The following GALNT17 variants were observed in gnomAD, a reference collection of about 807,000 sequenced individuals.
The protein encoded by GALNT17 is polypeptide N-acetylgalactosaminyltransferase 17, also known as UDP-GalNAc:polypeptide N-acetylgalactosaminyltransferase-like 3.
In GALNT17, 29 loss-of-function variants were observed where a neutral mutation model predicts 63.7. That is an observed-to-expected ratio of 0.46 (90% CI 0.34 to 0.62). The LOEUF (loss-of-function observed/expected upper bound fraction) is 0.62, where lower values mean the gene tolerates loss of function less well. Among genes scored for constraint, GALNT17 ranks in the 20% least tolerant of loss-of-function variants. The probability of loss-of-function intolerance (pLI) is 0.01; values close to 1 mark genes in which losing one functional copy is unlikely to be tolerated. For synonymous variants in GALNT17, 305 were observed against 318.3 expected (o/e 0.96, Z 0.45); for missense variants, 603 against 799.6 (o/e 0.75, Z 2.97).
chr7:71,444,237 T>C (rs1025222166), intron 5 of GALNT17, among the ~76,000 whole-genome samples: 1 of 152,206 alleles, frequency 6.6e-6, no homozygotes, highest in Non-Finnish European at 1.5e-5. Flanking sequence ...CACCTGAGCC[T>C]TGGCCACATT....
At chr7:71,600,920 T>A (rs10235822) in intron 6 of GALNT17, among the ~76,000 whole-genome samples, 5 of 151,752 alleles carry the variant, frequency 3.3e-5, no homozygotes, top group African/African-American at 9.7e-5. Flanking sequence ...CCACTCCCAC[T>A]CTTCCCCCCA....
intron 5 of GALNT17, among the ~76,000 whole-genome samples, chr7:71,433,350 C>G (rs1786902719): frequency 1.3e-5 from 2 of 152,160 alleles, no homozygotes. Flanking sequence ...GGGGTCACCC[C>G]CATCTGTGGA....
chr7:71,639,935 T>C (rs1018792297), intron 6 of GALNT17, among the ~76,000 whole-genome samples: 22 of 152,184 alleles, frequency 1.4e-4, no homozygotes, highest in Admixed American at 1.4e-3. Flanking sequence ...CCATTTGCTC[T>C]GAATAAGGAT....
intron 1 of GALNT17, among the ~76,000 whole-genome samples, chr7:71,233,487 A>G (rs533140278): frequency 1.6e-4 from 25 of 152,336 alleles, no homozygotes; most frequent in Admixed American, 7.2e-4. Flanking sequence ...AATTGCAAAG[A>G]GAGATAGAAC....
intron 5 of GALNT17, among the ~76,000 whole-genome samples, chr7:71,509,648 G>C (rs1453522749): frequency 6.6e-6 from 1 of 152,068 alleles, no homozygotes; most frequent in African/African-American, 2.4e-5. Context: ...TATCTTTTTT[G>C]GGATGCTCCC....
At chr7:71,144,368 A>G (rs1280566494) in intron 1 of GALNT17, among the ~76,000 whole-genome samples, 3 of 152,166 alleles carry the variant, frequency 2.0e-5, no homozygotes, top group Non-Finnish European at 4.4e-5. Flanking sequence ...ATGCAAGCTC[A>G]GGTCTTAGCT....
In GALNT17 at chr7:71,707,958, A is replaced by T. The variant is rs1047215296; in HGVS notation, c.1501-2803A>T. On this transcript the variant is annotated intron_variant, in intron 9 of 10. Transcript: ENST00000333538. ...TTCAAAGCCATCTTGCCATGGGTGT[A>T]TAGAAGGAATAGCGGAGGATGTGGT... Among the ~76,000 whole-genome samples, 23 of 152,212 alleles carry T rather than the reference A, an allele frequency of 1.5e-4. No homozygotes were observed. The South Asian group carries it at 1.7e-3, about 11-fold the overall frequency.
chr7:71,233,477 A>G (rs1789830836), intron 1 of GALNT17, among the ~76,000 whole-genome samples: 2 of 152,220 alleles, frequency 1.3e-5, no homozygotes, highest in African/African-American at 4.8e-5. Context: ...CAATGAATTA[A>G]ATTGCAAAGA....
intron 1 of GALNT17, among the ~76,000 whole-genome samples, chr7:71,299,770 T>C (rs1376744735): frequency 6.7e-6 from 1 of 149,870 alleles, no homozygotes; most frequent in Non-Finnish European, 1.5e-5. Context: ...ATTATTACAA[T>C]TTTTTTTTTA....
chr7:71,182,718 C>T (rs1788756191), intron 1 of GALNT17, among the ~76,000 whole-genome samples: 1 of 151,972 alleles, frequency 6.6e-6, no homozygotes, highest in African/African-American at 2.4e-5. Flanking sequence ...ATCTTGTGTC[C>T]TGGGGAGGGC....
chr7:71,579,141 G>T (rs1221427296), intron 6 of GALNT17, among the ~76,000 whole-genome samples: 1 of 152,168 alleles, frequency 6.6e-6, no homozygotes, highest in Non-Finnish European at 1.5e-5. Context: ...GTCATCCTTG[G>T]CTATGTGAAT....
chr7:71,261,698 G>T (rs1299657043), intron 1 of GALNT17, among the ~76,000 whole-genome samples: 2 of 152,230 alleles, frequency 1.3e-5, no homozygotes, highest in African/African-American at 4.8e-5. Flanking sequence ...GCCCTTGGCT[G>T]TGACAGTGGT....
chr7:71,534,716 C>T (rs1393280211), intron 5 of GALNT17, among the ~76,000 whole-genome samples: 1 of 152,096 alleles, frequency 6.6e-6, no homozygotes, highest in Admixed American at 6.5e-5. Context: ...TCCCACGACA[C>T]GTGGGGATAT....
intron 1 of GALNT17, among the ~76,000 whole-genome samples, chr7:71,309,871 T>C (rs764321379): frequency 5.3e-5 from 8 of 152,180 alleles, no homozygotes; most frequent in African/African-American, 1.2e-4. Flanking sequence ...ATTGATATGA[T>C]TTGGCTATGT....
At chr7:71,684,883 T>C (rs900304649) in intron 9 of GALNT17, among the ~76,000 whole-genome samples, 3 of 152,154 alleles carry the variant, frequency 2.0e-5, no homozygotes, top group African/African-American at 7.2e-5. Flanking sequence ...CAAGTTGGTC[T>C]GGAACTCCCA....
At chr7:71,264,160 G>C (rs559566279) in intron 1 of GALNT17, among the ~76,000 whole-genome samples, 1 of 152,286 alleles carries the variant, frequency 6.6e-6, no homozygotes, top group Non-Finnish European at 1.5e-5. Flanking sequence ...GGATTAGCCT[G>C]CTGGGGGCAG....
In GALNT17 at chr7:71,439,931, C is replaced by G. The variant is rs902875034; in HGVS notation, c.962+18826C>G. ...TCTAGATGGTTCCAGAGTGTTTCAT[C>G]TTCCAGGCCCTCTTTTTTTTTTTTT... On this transcript the variant is annotated intron_variant, in intron 5 of 10. Coordinates refer to ENST00000333538, the MANE Select transcript of GALNT17 (RefSeq NM_022479.3). Among the ~76,000 whole-genome samples, 5 of 147,238 alleles carry G rather than the reference C, an allele frequency of 3.4e-5. No individual in the cohort carries two copies. In the East Asian group the frequency reaches 6.1e-4, roughly 18 times the overall value.
intron 1 of GALNT17, chr7:71,301,002 T>C (rs1791185480): frequency 6.6e-6 from 1 of 152,236 alleles, no homozygotes; most frequent in African/African-American, 2.4e-5. Flanking sequence ...AAAGTAATTA[T>C]TGAGGTCAGG....
chr7:71,561,982 G>T (rs1438681717), intron 5 of GALNT17, among the ~76,000 whole-genome samples: 1 of 151,672 alleles, frequency 6.6e-6, no homozygotes, highest in Non-Finnish European at 1.5e-5. Context: ...TTGAGATGGG[G>T]TCTCGCTCTG....
Sources: allele counts gnomAD v4.1 joint callset (sites outside exome capture counted in the v4.1 genomes callset), GRCh38; gene constraint gnomAD v4.1.1; transcripts MANE v1.5; gene names NCBI Gene and HGNC (gene_info 2026-07-23, HGNC 2026-07-21).